Variants in ARHGEF18 observed in about 807,000 individuals in gnomAD.
The protein encoded by ARHGEF18 is rho guanine nucleotide exchange factor 18.
Under a neutral mutation model 155.7 loss-of-function variants are expected in ARHGEF18, and 93 were observed. That is an observed-to-expected ratio of 0.60 (90% CI 0.50 to 0.71). The LOEUF (loss-of-function observed/expected upper bound fraction) is 0.71. ARHGEF18 is among the 30% of genes least tolerant of loss of function. The probability of loss-of-function intolerance (pLI) is 0.00; values close to 1 mark genes in which losing one functional copy is unlikely to be tolerated. For synonymous variants in ARHGEF18, 742 were observed against 753.1 expected (o/e 0.99, Z 0.24); for missense variants, 1,593 against 1,816.1 (o/e 0.88, Z 2.23).
At chr19:7,466,816 A>AT in intron 23 of ARHGEF18, 102 bp from the exon 24 acceptor site, 2 of 1,106,636 alleles carry the variant, frequency 1.8e-6, no homozygotes, top group African/African-American at 3.7e-5. Context: ...AAAAAAAAAA[A>AT]AAAAAAAAAA....
intron 10 of ARHGEF18, among the ~76,000 whole-genome samples, chr19:7,426,367 G>A (rs1033814830): frequency 2.6e-5 from 4 of 151,402 alleles, no homozygotes; most frequent in Non-Finnish European, 4.4e-5. Flanking sequence ...CGTGCCTGTC[G>A]TCCCGGCTAC....
At chr19:7,423,354 G>A (rs989931258) in intron 10 of ARHGEF18, among the ~76,000 whole-genome samples, 3 of 152,060 alleles carry the variant, frequency 2.0e-5, no homozygotes, top group Admixed American at 6.6e-5. Context: ...CTGTGAGGTG[G>A]ATGTCATTTA....
At position 7,462,522 on chromosome 19, in the gene ARHGEF18, A is replaced by C. The variant is rs1026522953; in HGVS notation, c.2635+188A>C. On this transcript the variant is annotated intron_variant, in intron 21 of 28. Transcript: ENST00000668164. The surrounding 1 kb of genome is among the most constrained non-coding windows in gnomAD (Gnocchi z 4.4). ...CCTGTGAGAGCCAGAAGGGCCTTAGACATAATCTGGGCCAAGCCGCTCCTT... is the reference window on the plus strand; with the variant it reads ...CCTGTGAGAGCCAGAAGGGCCTTAGCCATAATCTGGGCCAAGCCGCTCCTT... Among the ~76,000 whole-genome samples, 2 of 152,196 alleles carry C rather than the reference A, an allele frequency of 1.3e-5. No individual in the cohort carries two copies. Among genetic ancestry groups the C allele is most frequent in the African/African-American group, 4.8e-5 (2 of 41,452 alleles).
At chr19:7,475,892 G>A (rs560899437), downstream of ARHGEF18, among the ~76,000 whole-genome samples, 29 of 152,312 alleles carry the variant, frequency 1.9e-4, no homozygotes, top group East Asian at 4.6e-3. Context: ...CTGCACCCCC[G>A]ACAAGGGAAA....
intron 1 of ARHGEF18, among the ~76,000 whole-genome samples, chr19:7,353,414 C>T (rs1340476518): frequency 6.6e-6 from 1 of 151,280 alleles, no homozygotes; most frequent in Non-Finnish European, 1.5e-5. Context: ...TATGGCAAAG[C>T]CCTATCTCTA....
chr19:7,450,232 T>A (rs1476797578), intron 15 of ARHGEF18, among the ~76,000 whole-genome samples: 2 of 19,902 alleles, frequency 1.0e-4, no homozygotes, highest in African/African-American at 3.6e-4. Flanking sequence ...TTTCTGTTTC[T>A]GAGATGTTAA....
At chr19:7,371,838 C>T (rs1347194314) in intron 2 of ARHGEF18, among the ~76,000 whole-genome samples, 2 of 150,790 alleles carry the variant, frequency 1.3e-5, no homozygotes, top group Non-Finnish European at 2.9e-5. Context: ...AAAAAGGTTA[C>T]GATGATAAAT....
intron 1 of ARHGEF18, among the ~76,000 whole-genome samples, chr19:7,354,690 G>T (rs1057303809): frequency 6.9e-6 from 1 of 143,952 alleles, no homozygotes; most frequent in Admixed American, 6.9e-5. Flanking sequence ...GCTTGTGCCT[G>T]GGAGTTTTGA....
intron 1 of ARHGEF18, among the ~76,000 whole-genome samples, chr19:7,361,991 G>GGAAGAAGAAGAAAGAAGAAA (rs1162434534): frequency 2.5e-5 from 2 of 79,116 alleles, no homozygotes; most frequent in African/African-American, 1.1e-4. Flanking sequence ...AAGACTCTGT[G>GGAAGAAGAAGAAAGAAGAAA]GAAGAAGAAG....
chr19:7,398,566 C>T (rs983516392), intron 10 of ARHGEF18, among the ~76,000 whole-genome samples: 1 of 151,796 alleles, frequency 6.6e-6, no homozygotes, highest in Non-Finnish European at 1.5e-5. Flanking sequence ...TGGCCTGCGC[C>T]TGTAATCCCA....
intron 1 of ARHGEF18, among the ~76,000 whole-genome samples, chr19:7,361,972 C>T (rs1969567458): frequency 6.9e-6 from 1 of 145,656 alleles, no homozygotes; most frequent in African/African-American, 2.5e-5. Context: ...AGCTTGGGGG[C>T]AACAGAGCAA....
At chr19:7,411,494 A>G (rs1443817620) in intron 10 of ARHGEF18, among the ~76,000 whole-genome samples, 1 of 152,082 alleles carries the variant, frequency 6.6e-6, no homozygotes, top group African/African-American at 2.4e-5. Flanking sequence ...TTTAGTAGAC[A>G]CAGGCTTTCA....
At chr19:7,389,158 T>TC (rs1971249342) in intron 10 of ARHGEF18, among the ~76,000 whole-genome samples, 1 of 150,858 alleles carries the variant, frequency 6.6e-6, no homozygotes, top group Non-Finnish European at 1.5e-5. Flanking sequence ...GCTAATTTTT[T>TC]TTTTTTTTTT....
At chr19:7,473,759 G>A (rs372056065), downstream of ARHGEF18, among the ~76,000 whole-genome samples, 34 of 144,032 alleles carry the variant, frequency 2.4e-4, no homozygotes, top group African/African-American at 6.7e-4. Flanking sequence ...GCGGTGAGCC[G>A]AGATTGCGCC....
At chr19:7,476,068 T>C (rs185945527), downstream of ARHGEF18, among the ~76,000 whole-genome samples, 403 of 152,282 alleles carry the variant, frequency 2.6e-3, 5 homozygotes, top group African/African-American at 9.1e-3. Flanking sequence ...AAATGTACTC[T>C]GGGAGGCCGA....
rs1411903272 is a variant in ARHGEF18, at chr19:7,462,854, T to G, written c.2635+520T>G. ...TTCTTTTCTTTTTTTTTTTTTTTTT[T>G]GAGATGGAGTCTCGCTTTGTCACCC... On this transcript the variant is annotated intron_variant, in intron 21 of 28. Transcript: ENST00000668164. This position sits in a 1 kb window ranked among gnomAD's most constrained non-coding sequence, Gnocchi z 4.4. Among the ~76,000 whole-genome samples the G allele has an allele frequency of 9.3e-6, 1 of 107,190 alleles. No individual in the cohort carries two copies. Among genetic ancestry groups the G allele is most frequent in the Non-Finnish European group, 1.9e-5 (1 of 51,700 alleles). The allele number at this position is 107,190 out of a possible 152,430, so 70.3% of individuals were successfully genotyped here. A position where few individuals can be genotyped will look rare whatever the true frequency, so the allele number is the denominator to read the frequency against.
rs867822421 is a variant in ARHGEF18, at chr19:7,442,086, G to A, written c.1360+34G>A. The A allele has an allele frequency of 3.1e-6, 5 of 1,611,068 alleles. No homozygotes were observed. In the Middle Eastern group the frequency reaches 5.1e-4, roughly 165 times the overall value. On this transcript the variant is annotated intron_variant, in intron 13 of 28. Coordinates refer to ENST00000668164, the MANE Select transcript of ARHGEF18 (RefSeq NM_001367823.1). ...TCCACAGCCCTGTGCCATCACACCG[G>A]CCCTCCACTCTCTTCTCTGCTCCCT...
At chr19:7,388,830 C>G (rs373803161) in intron 10 of ARHGEF18, among the ~76,000 whole-genome samples, 1 of 152,064 alleles carries the variant, frequency 6.6e-6, no homozygotes, top group Admixed American at 6.6e-5. Context: ...ATCCACCCCC[C>G]TCAGCCTTCC....
rs1366333152 is a variant in ARHGEF18 at position 7,362,063 on chromosome 19, A to G, written c.-110-718A>G. Among the ~76,000 whole-genome samples the G allele has an allele frequency of 2.1e-3, 71 of 33,864 alleles. 1 individual carries two copies. The highest frequency in any genetic ancestry group is 9.1e-3 in the Middle Eastern group (1 of 110). 22.2% of individuals were successfully genotyped at this position (33,864 alleles called of 152,430 possible). A position where few individuals can be genotyped will look rare whatever the true frequency, so the allele number is the denominator to read the frequency against. On this transcript the variant is annotated intron_variant, in intron 1 of 28. Transcript: ENST00000668164. ...AAGGAGAAGGAGAAGGAGAAGGAGAAGGAGAAGGAGAAGGAGAAGGAGAAG... is the reference window on the plus strand; with the variant it reads ...AAGGAGAAGGAGAAGGAGAAGGAGAGGGAGAAGGAGAAGGAGAAGGAGAAG...
Sources: gnomAD v4.1 joint callset for allele counts (sites outside exome capture counted in the v4.1 genomes callset) on GRCh38, gnomAD v4.1.1 for gene constraint, Gnocchi (gnomAD v3.1) non-coding constraint, MANE v1.5 for transcripts, NCBI Gene and HGNC (gene_info 2026-07-23, HGNC 2026-07-21) for gene names.